ARFGEF1: variants seen among roughly 807,000 people sequenced by gnomAD.
The protein encoded by ARFGEF1 is brefeldin A-inhibited guanine nucleotide-exchange protein 1.
In ARFGEF1, 42 loss-of-function variants were observed where a neutral mutation model predicts 231.0. That is an observed-to-expected ratio of 0.18 (90% CI 0.14 to 0.24). The LOEUF is 0.24. Among genes scored for constraint, ARFGEF1 ranks in the 10% least tolerant of loss-of-function variants. The probability of loss-of-function intolerance (pLI) is 1.00; values close to 1 mark genes in which losing one functional copy is unlikely to be tolerated. For missense variants in ARFGEF1, 1,345 were observed against 2,192.0 expected (o/e 0.61, Z 7.72); for synonymous variants, 710 against 732.3 (o/e 0.97, Z 0.49).
At chr8:67,182,579 G>A (rs925722885) in intron 5 of ARFGEF1, among the ~76,000 whole-genome samples, 4 of 152,216 alleles carry the variant, frequency 2.6e-5, no homozygotes, top group African/African-American at 4.8e-5. Flanking sequence ...TTCCACAGCA[G>A]CTGTACCATT....
Position 67,179,848 on chromosome 8 carries a change from A to G in ARFGEF1, c.561-4276T>C, listed in dbSNP as rs199558831. 7.8e-4 allele frequency: 1,225 copies of G among 1,561,632 alleles called. 1 individual carries two copies. Among genetic ancestry groups the G allele is most frequent in the Non-Finnish European group, 9.9e-4 (1,127 of 1,137,666 alleles). ...AAAACTAATAAAAATAGTCATTGAA[A>G]CATGTTTCTTTTAGCCCAGAGATGA... On this transcript the variant is annotated intron_variant, in intron 5 of 5. Coordinates refer to the ARFGEF1 transcript ENST00000518789.
At chr8:67,188,815 C>T (rs559855000) in intron 5 of ARFGEF1, among the ~76,000 whole-genome samples, 12 of 152,272 alleles carry the variant, frequency 7.9e-5, no homozygotes, top group African/African-American at 2.6e-4. Flanking sequence ...GCTAAGTGCC[C>T]GGGTTTGTCC....
At chr8:67,285,585 C>G (rs956969562) in intron 7 of ARFGEF1, among the ~76,000 whole-genome samples, 1 of 152,050 alleles carries the variant, frequency 6.6e-6, no homozygotes, top group African/African-American at 2.4e-5. Context: ...AAAGTATCAC[C>G]TCAGATTGGC....
chr8:67,296,450 G>A lies in ARFGEF1; in HGVS notation c.620C>T (p.Ala207Val), dbSNP rs1314181915. 2 of 1,613,806 alleles carry A rather than the reference G, an allele frequency of 1.2e-6. No homozygotes were observed. The highest frequency in any genetic ancestry group is 1.1e-5 in the South Asian group (1 of 91,072). Residue 207 changes from alanine (A) to valine (V), a missense_variant, in exon 5 of 39, where the codon GCA becomes GTA. By Grantham distance (64) the Ala-to-Val change is moderately conservative. This residue lies in a region of ARFGEF1 where 398 missense variants were observed against 463.2 expected (regional missense o/e 0.86). Coordinates refer to ENST00000262215, the MANE Select transcript of ARFGEF1 (RefSeq NM_006421.5). ...TLTQMLNVIFARMENQALQEA... is the reference protein window; with the variant it reads ...TLTQMLNVIFVRMENQALQEA... Reference sequence around the variant, plus strand: ...ACTTACTGCTTGGTTTTCCATGCGTGCAAAGATAACATTTAGCATCTGAGT... The same window carrying A: ...ACTTACTGCTTGGTTTTCCATGCGTACAAAGATAACATTTAGCATCTGAGT...
At position 67,203,170 on chromosome 8, in the gene ARFGEF1, T is replaced by TA. The variant is rs1297516310; in HGVS notation, c.5040dup (p.Lys1681Ter). Reference sequence around the variant, plus strand: ...GACTCTAATAAGCAGTCCAGTAGCTTAAAAAGTTGTTGTGATGTTAAAAAG... The same window carrying TA: ...GACTCTAATAAGCAGTCCAGTAGCTTAAAAAAGTTGTTGTGATGTTAAAAAG... On this transcript the variant is annotated frameshift_variant, in exon 36 of 39. Coordinates refer to ENST00000262215, the MANE Select transcript of ARFGEF1 (RefSeq NM_006421.5). LOFTEE classifies it high-confidence loss of function. 6.2e-7 allele frequency: 1 copy of TA among 1,614,220 alleles called. No homozygotes were observed.
intron 17 of ARFGEF1, among the ~76,000 whole-genome samples, chr8:67,254,060 T>C (rs1291070900): frequency 6.6e-6 from 1 of 152,222 alleles, no homozygotes; most frequent in Non-Finnish European, 1.5e-5. Context: ...AGAGTAACAA[T>C]ACTTGAGATT....
At chr8:67,222,204 T>TATAC (rs1491480114) in intron 29 of ARFGEF1, among the ~76,000 whole-genome samples, 21 of 114,430 alleles carry the variant, frequency 1.8e-4, no homozygotes, top group East Asian at 7.4e-4. Context: ...TATATATATA[T>TATAC]ACACACACAT....
intron 1 of ARFGEF1, among the ~76,000 whole-genome samples, chr8:67,319,179 G>A (rs1339080442): frequency 1.3e-5 from 2 of 152,104 alleles, no homozygotes. Flanking sequence ...TTAATCCACT[G>A]CCAATCAAAA....
chr8:67,185,807 G>A lies in ARFGEF1; in HGVS notation c.561-10235C>T, dbSNP rs191268584. On this transcript the variant is annotated intron_variant, in intron 5 of 5. Coordinates refer to the ARFGEF1 transcript ENST00000518789. ...AGCACCAGTGAAGAAATCTATACAA[G>A]ATACTCCAGCCAGAAATGCATAAAA... Among the ~76,000 whole-genome samples, 6 of 152,214 alleles carry A rather than the reference G, an allele frequency of 3.9e-5. No homozygotes were observed. The East Asian group carries it at 1.2e-3, about 29-fold the overall frequency.
At chr8:67,276,255 G>A (rs1413177393) in intron 8 of ARFGEF1, 146 bp from the exon 9 acceptor site, 2 of 832,692 alleles carry the variant, frequency 2.4e-6, no homozygotes, top group South Asian at 3.6e-5. Flanking sequence ...AATCTGCCAC[G>A]TTGTTTTTCT....
At chr8:67,315,285 GAA>G (rs947447853) in intron 1 of ARFGEF1, among the ~76,000 whole-genome samples, 2 of 152,082 alleles carry the variant, frequency 1.3e-5, no homozygotes, top group African/African-American at 4.8e-5. Flanking sequence ...ACTAAAAGGA[GAA>G]ACAGACAAAT....
intron 7 of ARFGEF1, 71 bp from the exon 8 acceptor site, chr8:67,277,528 T>C (rs1805362812): frequency 7.1e-7 from 1 of 1,417,432 alleles, no homozygotes; most frequent in African/African-American, 1.4e-5. Context: ...AAGCACAGAG[T>C]ATTTAAAATG....
chr8:67,267,063 A>G, intron 12 of ARFGEF1, 28 bp downstream of exon 12: 1 of 1,609,846 alleles, frequency 6.2e-7, no homozygotes, highest in Non-Finnish European at 8.5e-7. Context: ...GTAAAGTTTA[A>G]ATTTGAAAAT....
In ARFGEF1 at chr8:67,296,438, T is replaced by A; in HGVS notation, c.632A>T (p.Asn211Ile). The change falls in exon 5 of 39, where the codon AAC (asparagine) becomes ATC (isoleucine). Residue 211 changes from asparagine to isoleucine, a missense_variant. Physicochemically the swap from Asn to Ile is moderately radical, Grantham distance 149 (BLOSUM62 -3). Coordinates refer to ENST00000262215, the MANE Select transcript of ARFGEF1 (RefSeq NM_006421.5). The stretch of plus-strand genomic sequence containing the variant: ...TCTTCTTAAAATACTTACTGCTTGG[T>A]TTTCCATGCGTGCAAAGATAACATT... ...MLNVIFARMENQALQEAKQME... is the reference protein window; with the variant it reads ...MLNVIFARMEIQALQEAKQME... 2 of 1,613,842 alleles carry A rather than the reference T, an allele frequency of 1.2e-6. No homozygotes were observed. Among genetic ancestry groups the A allele is most frequent in the Non-Finnish European group, 1.7e-6 (2 of 1,179,852 alleles).
rs1245014586 is a variant in ARFGEF1 at position 67,251,279 on chromosome 8, C to T, written c.2850+20G>A. On this transcript the variant is annotated intron_variant, in intron 19 of 38. Transcript: ENST00000262215. Reference sequence around the variant, plus strand: ...TATATAAATGTACACTGCAATCAAACATTACTTGAAAATTCTAACCTTAAA... The same window carrying T: ...TATATAAATGTACACTGCAATCAAATATTACTTGAAAATTCTAACCTTAAA... The T allele has an allele frequency of 1.9e-6, 3 of 1,572,090 alleles. No homozygotes were observed. The highest frequency in any genetic ancestry group is 2.4e-5 in the South Asian group (2 of 83,148).
At chr8:67,319,284 T>C (rs940090432) in intron 1 of ARFGEF1, among the ~76,000 whole-genome samples, 30 of 152,248 alleles carry the variant, frequency 2.0e-4, no homozygotes, top group Admixed American at 1.8e-3. Flanking sequence ...TAAAGAAGAA[T>C]AACTTGGGAG....
intron 4 of ARFGEF1, among the ~76,000 whole-genome samples, chr8:67,298,566 A>C (rs1806341526): frequency 6.6e-6 from 1 of 152,184 alleles, no homozygotes; most frequent in Non-Finnish European, 1.5e-5. Context: ...TTTAAGAACT[A>C]CCCTAAAGTT....
At chr8:67,296,640 G>C in intron 4 of ARFGEF1, 30 bp from the exon 5 acceptor site, 3 of 1,525,728 alleles carry the variant, frequency 2.0e-6, no homozygotes, top group Non-Finnish European at 2.7e-6. Context: ...AAAAGTTAAA[G>C]AGATTTTCTT....
intron 1 of ARFGEF1, among the ~76,000 whole-genome samples, chr8:67,324,003 A>G (rs1807714030): frequency 6.6e-6 from 1 of 152,096 alleles, no homozygotes. Flanking sequence ...GGGTTTCACC[A>G]TGTTAGCCAG....
Sources: allele counts gnomAD v4.1 joint callset (sites outside exome capture counted in the v4.1 genomes callset), GRCh38; gene constraint gnomAD v4.1.1; regional missense constraint gnomAD v4.1.1; transcripts MANE v1.5; gene names NCBI Gene and HGNC (gene_info 2026-07-23, HGNC 2026-07-21).